The following ERC1 variants were observed in gnomAD, a reference collection of about 807,000 sequenced individuals.
ERC1 encodes the protein RAB6 interacting protein 2.
ERC1 carries 56 observed loss-of-function variants against 132.0 expected under a neutral mutation model. That is an observed-to-expected ratio of 0.42 (90% confidence interval 0.34 to 0.53). The LOEUF is 0.53. Ranked by LOEUF, ERC1 falls within the 20% of genes least tolerant of loss-of-function variation. The pLI is 0.03. For missense variants in ERC1, 1,202 were observed against 1,349.9 expected (o/e 0.89, Z 1.72); for synonymous variants, 478 against 476.1 (o/e 1.00, Z -0.05).
intron 1 of ERC1, among the ~76,000 whole-genome samples, chr12:1,000,929 GT>G (rs1022090044): frequency 2.0e-5 from 3 of 151,962 alleles, no homozygotes; most frequent in African/African-American, 7.3e-5. Flanking sequence ...TTGTTTGTTT[GT>G]TTTTTTGAGA....
chr12:1,456,629 C>T (rs1271706101), intron 18 of ERC1, among the ~76,000 whole-genome samples: 1 of 151,874 alleles, frequency 6.6e-6, no homozygotes, highest in Non-Finnish European at 1.5e-5. Flanking sequence ...TTTTTTACTT[C>T]TTTTGAATTA....
chr12:1,160,785 A>G (rs1951813564), intron 8 of ERC1, among the ~76,000 whole-genome samples: 1 of 152,152 alleles, frequency 6.6e-6, no homozygotes, highest in South Asian at 2.1e-4. Context: ...TGTAGAGACA[A>G]GGTCTCACTG....
chr12:1,224,018 A>AT (rs937248672), intron 12 of ERC1, among the ~76,000 whole-genome samples: 1 of 152,208 alleles, frequency 6.6e-6, no homozygotes, highest in Non-Finnish European at 1.5e-5. Context: ...GAAATTCCTC[A>AT]TTTCACAAGT....
At chr12:1,096,803 G>A (rs1286971400) in intron 3 of ERC1, among the ~76,000 whole-genome samples, 5 of 152,042 alleles carry the variant, frequency 3.3e-5, no homozygotes. Context: ...CACTACCTAG[G>A]TCTAGAAATA....
chr12:1,334,811 T>C (rs2083174371), intron 15 of ERC1, among the ~76,000 whole-genome samples: 1 of 152,192 alleles, frequency 6.6e-6, no homozygotes, highest in Non-Finnish European at 1.5e-5. Flanking sequence ...ATCTATAAAT[T>C]GCTTTGTTCA....
At position 1,462,310 on chromosome 12, in the gene ERC1, G is replaced by A. The variant is rs1448538226; in HGVS notation, c.3213+17560G>A. 2.6e-5 allele frequency among the ~76,000 whole-genome samples: 4 copies of A among 152,240 alleles called. No homozygotes were observed. The East Asian group carries it at 7.7e-4, about 29-fold the overall frequency. ...TTTCTTATAGATGTACATCTATCCT[G>A]TAACCCAGGGATCCTATTCTTACTC... On this transcript the variant is annotated intron_variant, in intron 18 of 18. Coordinates refer to ENST00000360905, the MANE Select transcript of ERC1 (RefSeq NM_178040.4).
chr12:1,004,236 C>T (rs1963026138), intron 1 of ERC1, among the ~76,000 whole-genome samples: 1 of 152,052 alleles, frequency 6.6e-6, no homozygotes, highest in South Asian at 2.1e-4. Context: ...AAGAAAGTTT[C>T]CTCCTATACC....
At chr12:1,316,616 C>T (rs112553558) in intron 15 of ERC1, among the ~76,000 whole-genome samples, 5,972 of 152,152 alleles carry the variant, frequency 0.039, 131 homozygotes, top group Middle Eastern at 0.078. Flanking sequence ...AAAATAGGAA[C>T]GCTTTTATAC....
Position 1,260,932 on chromosome 12 carries a change from T to C in ERC1, c.2488-2102T>C, listed in dbSNP as rs543466197. On this transcript the variant is annotated intron_variant, in intron 13 of 18. Transcript: ENST00000360905. ...GAGAAAGATTTTGAACCAGGCTTTG[T>C]CATTAATTCCAGAAATCTTTTTTAA... Among the ~76,000 whole-genome samples, 92 of 152,360 alleles carry C rather than the reference T, an allele frequency of 6.0e-4. 1 individual carries two copies. Among genetic ancestry groups the C allele is most frequent in the African/African-American group, 2.1e-3 (88 of 41,580 alleles).
intron 15 of ERC1, among the ~76,000 whole-genome samples, chr12:1,327,757 C>T (rs2082555932): frequency 6.6e-6 from 1 of 152,206 alleles, no homozygotes; most frequent in South Asian, 2.1e-4. Flanking sequence ...CTGTTCCCAA[C>T]TTTGGGCCCC....
chr12:1,125,222 C>T (rs1948026191), intron 7 of ERC1, among the ~76,000 whole-genome samples: 1 of 151,956 alleles, frequency 6.6e-6, no homozygotes, highest in African/African-American at 2.4e-5. Context: ...TCTCAATCTC[C>T]TGACCTTATG....
intron 8 of ERC1, among the ~76,000 whole-genome samples, chr12:1,154,370 C>CACACAG (rs1951167327): frequency 1.3e-5 from 2 of 151,058 alleles, no homozygotes; most frequent in Non-Finnish European, 2.9e-5. Context: ...CACACACACA[C>CACACAG]ACACACACAC....
At chr12:1,277,718 T>C (rs1443639690) in intron 14 of ERC1, among the ~76,000 whole-genome samples, 2 of 152,090 alleles carry the variant, frequency 1.3e-5, no homozygotes, top group African/African-American at 4.8e-5. Flanking sequence ...TGTAAAGCAG[T>C]TTACTGGTTT....
At chr12:1,292,029 A>G (rs1245499270) in intron 15 of ERC1, among the ~76,000 whole-genome samples, 1 of 152,214 alleles carries the variant, frequency 6.6e-6, no homozygotes, top group African/African-American at 2.4e-5. Context: ...TAATAAAATA[A>G]CAACTGTAAT....
At chr12:1,416,675 T>C (rs1352350541) in intron 17 of ERC1, among the ~76,000 whole-genome samples, 1 of 152,220 alleles carries the variant, frequency 6.6e-6, no homozygotes, top group Non-Finnish European at 1.5e-5. Context: ...TCTGTTGCTT[T>C]CAGGTCCTAG....
At chr12:1,214,925 C>G (rs149345187) in intron 12 of ERC1, among the ~76,000 whole-genome samples, 176 of 152,260 alleles carry the variant, frequency 1.2e-3, no homozygotes, top group Non-Finnish European at 2.2e-3. Context: ...TAACCTAGAG[C>G]TCTTTAGCCC....
chr12:992,803 C>T (rs1959874653), intron 1 of ERC1, among the ~76,000 whole-genome samples: 1 of 152,154 alleles, frequency 6.6e-6, no homozygotes, highest in African/African-American at 2.4e-5. Flanking sequence ...AAAACAGGTC[C>T]CATGATGGAC....
In ERC1 at chr12:995,353, G is replaced by A. The variant is rs373814134; in HGVS notation, c.-157+4031G>A. Among the ~76,000 whole-genome samples, 25 of 152,280 alleles carry A rather than the reference G, an allele frequency of 1.6e-4. 1 individual carries two copies. The South Asian group carries it at 5.2e-3, about 32-fold the overall frequency. ...GGTATCTCTGACCAAGGTGAAATGG[G>A]GAGGAGGGGTTGGATTTTGTATGTA... On this transcript the variant is annotated intron_variant, in intron 1 of 18. Transcript: ENST00000360905.
At chr12:1,367,088 G>A (rs2086733447) in intron 15 of ERC1, among the ~76,000 whole-genome samples, 2 of 152,136 alleles carry the variant, frequency 1.3e-5, no homozygotes, top group Admixed American at 1.3e-4. Flanking sequence ...GTCATTAGAG[G>A]ATTTCTTCAG....
Sources: allele counts gnomAD v4.1 joint callset (sites outside exome capture counted in the v4.1 genomes callset), GRCh38; gene constraint gnomAD v4.1.1; transcripts MANE v1.5; gene names NCBI Gene and HGNC (gene_info 2026-07-23, HGNC 2026-07-21).